ANKRD13C: variants seen among roughly 807,000 people sequenced by gnomAD.
The protein encoded by ANKRD13C is ankyrin repeat domain 13C.
Under a neutral mutation model 65.5 loss-of-function variants are expected in ANKRD13C, and 16 were observed. The ratio of observed to expected loss-of-function variants is 0.24; its 90% CI spans 0.17 to 0.37. ANKRD13C has a LOEUF of 0.37. ANKRD13C is among the 10% of genes least tolerant of loss of function. The probability of loss-of-function intolerance (pLI) is 1.00; values close to 1 mark genes in which losing one functional copy is unlikely to be tolerated. For synonymous variants in ANKRD13C, 235 were observed against 238.7 expected (o/e 0.98, Z 0.14); for missense variants, 503 against 655.9 (o/e 0.77, Z 2.55).
chr1:70,323,292 T>A (rs936063546), intron 3 of ANKRD13C, among the ~76,000 whole-genome samples: 4 of 152,220 alleles, frequency 2.6e-5, no homozygotes, highest in African/African-American at 9.6e-5. Flanking sequence ...ACTTTAGTTG[T>A]TAAAATATTA....
rs1349107153 is a variant in ANKRD13C at position 70,300,882 on chromosome 1, G to T, written c.803C>A (p.Thr268Asn). The T allele has an allele frequency of 6.2e-7, 1 of 1,613,370 alleles. No homozygotes were observed. The highest frequency in any genetic ancestry group is 8.5e-7 in the Non-Finnish European group (1 of 1,179,808). ...IRLDTTLIDF[T>N]DMKCQRGDLS... Reference sequence around the variant, plus strand: ...ATCCCCTCGTTGGCACTTCATGTCAGTAAAGTCTATGAGAGTTGTGTCAAG... The same window carrying T: ...ATCCCCTCGTTGGCACTTCATGTCATTAAAGTCTATGAGAGTTGTGTCAAG... Residue 268 changes from threonine (T) to asparagine (N), a missense_variant, in exon 7 of 13, where the codon ACT (threonine) becomes AAT (asparagine). Thr to Asn is a moderately conservative substitution (Grantham distance 65, BLOSUM62 0). Transcript: ENST00000370944.
At chr1:70,308,611 C>T (rs1680693658) in intron 5 of ANKRD13C, among the ~76,000 whole-genome samples, 2 of 151,602 alleles carry the variant, frequency 1.3e-5, no homozygotes, top group Non-Finnish European at 2.9e-5. Flanking sequence ...TGGTGGCGGG[C>T]GCCTGTAGTC....
At chr1:70,344,915 AACT>A (rs1486122435) in intron 1 of ANKRD13C, among the ~76,000 whole-genome samples, 2 of 152,060 alleles carry the variant, frequency 1.3e-5, no homozygotes, top group Non-Finnish European at 2.9e-5. Context: ...TGAAAAAATT[AACT>A]ACATTTTCCA....
At chr1:70,275,294 C>G (rs1679080489) in intron 10 of ANKRD13C, among the ~76,000 whole-genome samples, 1 of 152,064 alleles carries the variant, frequency 6.6e-6, no homozygotes, top group South Asian at 2.1e-4. Flanking sequence ...CTTTTATTTG[C>G]AACTCTAGCA....
intron 9 of ANKRD13C, among the ~76,000 whole-genome samples, chr1:70,284,158 T>C (rs1268034238): frequency 1.3e-5 from 2 of 152,140 alleles, no homozygotes; most frequent in African/African-American, 2.4e-5. Context: ...CTATAAGCCA[T>C]TTCTTGCAGA....
chr1:70,291,546 G>GC (rs1461148220), intron 9 of ANKRD13C, among the ~76,000 whole-genome samples: 15 of 152,068 alleles, frequency 9.9e-5, no homozygotes, highest in Non-Finnish European at 1.6e-4. Context: ...CATATAGCAT[G>GC]CTTTCAGTAA....
At position 70,302,747 on chromosome 1, in the gene ANKRD13C, A is replaced by G. The variant is rs1302624087; in HGVS notation, c.777-1839T>C. On this transcript the variant is annotated intron_variant, in intron 6 of 12. Coordinates refer to ENST00000370944, the MANE Select transcript of ANKRD13C (RefSeq NM_030816.5). The stretch of plus-strand genomic sequence containing the variant: ...TCTCAAAAAAAAAAAAAAAAAAAAA[A>G]AAAAAAAAGAAAATAGTATTAAAAG... 9.6e-4 allele frequency among the ~76,000 whole-genome samples: 105 copies of G among 109,424 alleles called. 13 individuals carry two copies. The highest frequency in any genetic ancestry group is 4.1e-3 in the African/African-American group (102 of 25,060). The allele number at this position is 109,424 out of a possible 152,430, so 71.8% of individuals were successfully genotyped here. A position where few individuals can be genotyped will look rare whatever the true frequency, so the allele number is the denominator to read the frequency against.
At position 70,276,866 on chromosome 1, in the gene ANKRD13C, G is replaced by C. The variant is rs750598907; in HGVS notation, c.1216-22C>G. On this transcript the variant is annotated intron_variant, in intron 9 of 12. Coordinates refer to ENST00000370944, the MANE Select transcript of ANKRD13C (RefSeq NM_030816.5). Reference sequence around the variant, plus strand: ...TCGGCTGCCAAAAAAAAAAAAGAAAGAAAGTGGGGTGGGGGAGAAAGAAAG... The same window carrying C: ...TCGGCTGCCAAAAAAAAAAAAGAAACAAAGTGGGGTGGGGGAGAAAGAAAG... 2.6e-6 allele frequency: 4 copies of C among 1,523,956 alleles called. No individual in the cohort carries two copies. The East Asian group carries it at 9.0e-5, about 34-fold the overall frequency. 94.4% of individuals were successfully genotyped at this position (1,523,956 alleles called of 1,614,324 possible).
chr1:70,345,266 C>A (rs1325906521), intron 1 of ANKRD13C, among the ~76,000 whole-genome samples: 1 of 151,964 alleles, frequency 6.6e-6, no homozygotes, highest in Non-Finnish European at 1.5e-5. Context: ...CCCGTCTCTA[C>A]TAAAAATACA....
chr1:70,321,428 T>C (rs1681300354), intron 3 of ANKRD13C, among the ~76,000 whole-genome samples: 1 of 152,182 alleles, frequency 6.6e-6, no homozygotes, highest in African/African-American at 2.4e-5. Flanking sequence ...GGCAAACCAA[T>C]ATGAACTGCT....
chr1:70,310,477 G>A (rs1680803418), intron 5 of ANKRD13C, among the ~76,000 whole-genome samples: 1 of 151,986 alleles, frequency 6.6e-6, no homozygotes, highest in African/African-American at 2.4e-5. Context: ...AAACAGATGT[G>A]CTGACTTTTT....
chr1:70,286,538 C>A (rs777482566), intron 9 of ANKRD13C, among the ~76,000 whole-genome samples: 1 of 152,018 alleles, frequency 6.6e-6, no homozygotes, highest in Non-Finnish European at 1.5e-5. Flanking sequence ...CCTGCTCATA[C>A]CATTTTTATT....
intron 9 of ANKRD13C, 110 bp downstream of exon 9, chr1:70,292,278 A>G: frequency 1.3e-6 from 1 of 745,968 alleles, no homozygotes; most frequent in South Asian, 3.7e-5. Flanking sequence ...GGTAACACAC[A>G]GTAAATAAAA....
intron 8 of ANKRD13C, among the ~76,000 whole-genome samples, chr1:70,292,896 C>G (rs1679920090): frequency 6.6e-6 from 1 of 152,138 alleles, no homozygotes; most frequent in South Asian, 2.1e-4. Flanking sequence ...AACTATTAAG[C>G]TGGCAGTCAA....
At chr1:70,339,227 A>C (rs575877627) in intron 1 of ANKRD13C, among the ~76,000 whole-genome samples, 1 of 151,024 alleles carries the variant, frequency 6.6e-6, no homozygotes, top group East Asian at 1.9e-4. Flanking sequence ...AAAAAAAAGC[A>C]AACAAACTTG....
rs966537509 is a variant in ANKRD13C at position 70,324,284 on chromosome 1, C to T, written c.577+569G>A. Among the ~76,000 whole-genome samples the T allele has an allele frequency of 2.0e-5, 3 of 151,740 alleles. No individual in the cohort carries two copies. The East Asian group carries it at 5.8e-4, about 29-fold the overall frequency. ...TTTTCCACTATTGAGATATACTTGA[C>T]AAAAATAAGATCTGTATGTGAAGTT... On this transcript the variant is annotated intron_variant, in intron 3 of 12. Coordinates refer to ENST00000370944, the MANE Select transcript of ANKRD13C (RefSeq NM_030816.5).
At chr1:70,278,824 A>C (rs12565719) in intron 9 of ANKRD13C, among the ~76,000 whole-genome samples, 23,681 of 152,120 alleles carry the variant, frequency 0.16, 2,125 homozygotes, top group Middle Eastern at 0.28. Context: ...GTTACTTTCT[A>C]TTATGTCAAC....
intron 1 of ANKRD13C, among the ~76,000 whole-genome samples, chr1:70,344,403 C>A (rs1682441479): frequency 1.3e-5 from 2 of 151,366 alleles, no homozygotes; most frequent in Middle Eastern, 3.4e-3. Flanking sequence ...GAGGTCAAGG[C>A]TGCAGAGTCG....
At position 70,354,325 on chromosome 1, in the gene ANKRD13C, C is replaced by T. The variant is rs61782675; in HGVS notation, c.84G>A (p.Glu28=). Residue 28 remains glutamate, a synonymous_variant, in exon 1 of 13, where the codon GAG becomes GAA. Transcript: ENST00000370944. ...EEGDLLEPGD[E]EAAAALGGTF... Reference sequence around the variant, plus strand: ...TACCGCCGAGGGCAGCCGCCGCTTCCTCATCCCCGGGCTCCAGCAGGTCCC... The same window carrying T: ...TACCGCCGAGGGCAGCCGCCGCTTCTTCATCCCCGGGCTCCAGCAGGTCCC... 0.09 allele frequency: 144,482 copies of T among 1,614,026 alleles called. 7,672 individuals carry two copies. Among genetic ancestry groups the T allele is most frequent in the South Asian group, 0.21 (19,280 of 91,066 alleles).
Sources: gnomAD v4.1 joint callset for allele counts (sites outside exome capture counted in the v4.1 genomes callset) on GRCh38, gnomAD v4.1.1 for gene constraint, MANE v1.5 for transcripts, NCBI Gene and HGNC (gene_info 2026-07-23, HGNC 2026-07-21) for gene names.